MAP3K21: variants seen among roughly 807,000 people sequenced by gnomAD.
The protein encoded by MAP3K21 is mitogen-activated protein kinase kinase kinase 21.
Under a neutral mutation model 86.1 loss-of-function variants are expected in MAP3K21, and 63 were observed. The ratio of observed to expected loss-of-function variants is 0.73; its 90% confidence interval spans 0.60 to 0.90. The LOEUF (loss-of-function observed/expected upper bound fraction) is 0.90, where lower values mean the gene tolerates loss of function less well. MAP3K21 is among the 40% of genes least tolerant of loss of function. The probability of loss-of-function intolerance (pLI) is 0.00; values close to 1 mark genes in which losing one functional copy is unlikely to be tolerated. For missense variants in MAP3K21, 1,220 were observed against 1,367.7 expected (o/e 0.89, Z 1.70); for synonymous variants, 558 against 564.8 (o/e 0.99, Z 0.17).
chr1:233,369,880 A>T (rs1663651297), intron 5 of MAP3K21, among the ~76,000 whole-genome samples: 1 of 152,194 alleles, frequency 6.6e-6, no homozygotes, highest in Non-Finnish European at 1.5e-5. Context: ...TGAGAGGAGA[A>T]TAGGGCAAGA....
chr1:233,354,790 A>AATGTCTTTGGGATAATCTG, intron 3 of MAP3K21, 46 bp from the exon 4 acceptor site: 2 of 1,472,032 alleles, frequency 1.4e-6, no homozygotes, highest in Non-Finnish European at 1.9e-6. Context: ...TAGCAACTCT[A>AATGTCTTTGGGATAATCTG]AACTGCGTTG....
chr1:233,334,087 G>T lies in MAP3K21; in HGVS notation c.805+5254G>T, dbSNP rs568578911. Reference sequence around the variant, plus strand: ...TCACCGTGTTAGCCAGGATGGTCTTGATCTCCTGACCTCGTGATCCGTCCG... The same window carrying T: ...TCACCGTGTTAGCCAGGATGGTCTTTATCTCCTGACCTCGTGATCCGTCCG... On this transcript the variant is annotated intron_variant, in intron 1 of 9. Coordinates refer to ENST00000366624, the MANE Select transcript of MAP3K21 (RefSeq NM_032435.3). Among the ~76,000 whole-genome samples the T allele has an allele frequency of 3.7e-3, 556 of 151,712 alleles. 5 individuals carry two copies. Among genetic ancestry groups the T allele is most frequent in the African/African-American group, 0.013 (539 of 41,312 alleles).
chr1:233,354,011 T>C (rs1004490667), intron 3 of MAP3K21, 56 bp downstream of exon 3: 3 of 1,380,292 alleles, frequency 2.2e-6, no homozygotes, highest in Admixed American at 2.8e-5. Flanking sequence ...CATTAGAATA[T>C]CATTTTTTAA....
At chr1:233,339,301 TTCCTCTTCTTCTTCCTCTTCTTCTTC>T (rs1662982541) in intron 1 of MAP3K21, among the ~76,000 whole-genome samples, 2 of 139,358 alleles carry the variant, frequency 1.4e-5, no homozygotes, top group African/African-American at 5.4e-5. Context: ...CCTCTTCTTC[TTCCTCTTCTTCTTCCTCTTCTTCTTC>T]TTCCTCTTCT....
chr1:233,372,559 G>A (rs975338627), intron 6 of MAP3K21: 2 of 207,380 alleles, frequency 9.6e-6, no homozygotes, highest in Admixed American at 5.9e-5. Flanking sequence ...TTTCGTGAGG[G>A]GAAAAAATTT....
chr1:233,367,898 A>G (rs1164981824), intron 5 of MAP3K21, among the ~76,000 whole-genome samples: 1 of 151,996 alleles, frequency 6.6e-6, no homozygotes, highest in Non-Finnish European at 1.5e-5. Flanking sequence ...TCTGTTTACA[A>G]CATAAAGTAT....
intron 1 of MAP3K21, among the ~76,000 whole-genome samples, chr1:233,340,629 G>A (rs1426367289): frequency 2.0e-5 from 3 of 151,966 alleles, no homozygotes; most frequent in Admixed American, 6.6e-5. Flanking sequence ...GGGGTGAAGG[G>A]GAACTGGTGC....
chr1:233,378,731 A>G (rs1266668170), intron 8 of MAP3K21, among the ~76,000 whole-genome samples, 200 bp from the exon 9 acceptor site: 1 of 152,236 alleles, frequency 6.6e-6, no homozygotes, highest in Admixed American at 6.5e-5. Context: ...GTTCATCTGC[A>G]GGGAACCTGA....
intron 2 of MAP3K21, among the ~76,000 whole-genome samples, chr1:233,351,178 TTAAC>T (rs1466609382): frequency 1.3e-5 from 2 of 152,168 alleles, no homozygotes; most frequent in African/African-American, 2.4e-5. Context: ...TCTCCTATAA[TTAAC>T]TATAATATAG....
chr1:233,330,434 A>C (rs1205015483), intron 1 of MAP3K21, among the ~76,000 whole-genome samples: 1 of 152,062 alleles, frequency 6.6e-6, no homozygotes, highest in Non-Finnish European at 1.5e-5. Context: ...TCTTTCGATA[A>C]TATATATATA....
At chr1:233,354,740 A>T in intron 3 of MAP3K21, 96 bp from the exon 4 acceptor site, 1 of 1,017,790 alleles carries the variant, frequency 9.8e-7, no homozygotes, top group Non-Finnish European at 1.5e-6. Flanking sequence ...TTGGAATGAC[A>T]AATGTTAAGT....
chr1:233,348,594 CT>C (rs1346674376), intron 2 of MAP3K21, among the ~76,000 whole-genome samples: 2 of 151,382 alleles, frequency 1.3e-5, no homozygotes, highest in African/African-American at 2.4e-5. Flanking sequence ...GCTGCACCTT[CT>C]TTTTTTTTAT....
At chr1:233,381,311 C>T (rs1423711530) in intron 9 of MAP3K21, among the ~76,000 whole-genome samples, 1 of 152,130 alleles carries the variant, frequency 6.6e-6, no homozygotes, top group Admixed American at 6.5e-5. Flanking sequence ...ACTATACTTA[C>T]CTAATCTGTA....
rs574390148 is a variant in MAP3K21, at chr1:233,344,610, C to T, written c.806-1832C>T. Reference sequence around the variant, plus strand: ...ATGGATTAAAGACTTAAATGTTAGACCTAAAACCATAAAAACCCTAGAAGA... The same window carrying T: ...ATGGATTAAAGACTTAAATGTTAGATCTAAAACCATAAAAACCCTAGAAGA... On this transcript the variant is annotated intron_variant, in intron 1 of 9. Transcript: ENST00000366624. 6.4e-4 allele frequency among the ~76,000 whole-genome samples: 98 copies of T among 152,262 alleles called. No individual in the cohort carries two copies. The South Asian group carries it at 0.015, about 23-fold the overall frequency.
chr1:233,382,398 C>T lies in MAP3K21; in HGVS notation c.2798C>T (p.Pro933Leu). 1.2e-6 allele frequency: 2 copies of T among 1,614,090 alleles called. No homozygotes were observed. Among genetic ancestry groups the T allele is most frequent in the East Asian group, 4.5e-5 (2 of 44,872 alleles). Residue 933 changes from proline to leucine, a missense_variant, in exon 10 of 10, where the codon CCC becomes CTC. Physicochemically the swap from Pro to Leu is moderately conservative, Grantham distance 98. This residue lies in a region of MAP3K21 where 632 missense variants were observed against 691.3 expected (regional missense o/e 0.91). Coordinates refer to ENST00000366624, the MANE Select transcript of MAP3K21 (RefSeq NM_032435.3). The part of the protein sequence containing the change: ...PHSHLPREVS[P>L]KKHSTVHIVP... Reference sequence around the variant, plus strand: ...AGTCATCTGCCAAGGGAGGTCTCACCCAAGAAGCACAGCACTGTCCACATC... The same window carrying T: ...AGTCATCTGCCAAGGGAGGTCTCACTCAAGAAGCACAGCACTGTCCACATC...
Position 233,328,035 on chromosome 1 carries a change from T to A in MAP3K21, c.7T>A (p.Leu3Met). Residue 3 changes from leucine (L) to methionine (M), a missense_variant, in exon 1 of 10, where the codon TTG becomes ATG. Coordinates refer to ENST00000366624, the MANE Select transcript of MAP3K21 (RefSeq NM_032435.3). The surrounding 1 kb of genome is among the most constrained non-coding windows in gnomAD (Gnocchi z 8.7). ...TCCCCGCGCAGCTGCCCCCATGGCT[T>A]TGCGGGGCGCCGCGGGAGCGACCGA... MA[L>M]RGAAGATDTP... 7.7e-7 allele frequency: 1 copy of A among 1,306,742 alleles called. No homozygotes were observed. The highest frequency in any genetic ancestry group is 9.7e-7 in the Non-Finnish European group (1 of 1,032,472). The allele number at this position is 1,306,742 out of a possible 1,614,324, so 80.9% of individuals were successfully genotyped here.
intron 1 of MAP3K21, among the ~76,000 whole-genome samples, chr1:233,339,286 T>C (rs397832592): frequency 9.4e-6 from 1 of 106,630 alleles, no homozygotes; most frequent in African/African-American, 3.1e-5. Context: ...CTTCTTCTTC[T>C]TCTTCCTCTT....
chr1:233,349,764 C>A (rs1439317609), intron 2 of MAP3K21, among the ~76,000 whole-genome samples: 2 of 151,978 alleles, frequency 1.3e-5, no homozygotes, highest in Admixed American at 1.3e-4. Flanking sequence ...TGGTGAAACC[C>A]CGTCTCTACT....
intron 1 of MAP3K21, among the ~76,000 whole-genome samples, chr1:233,341,021 T>G (rs1013418638): frequency 2.0e-5 from 3 of 152,202 alleles, no homozygotes; most frequent in Non-Finnish European, 4.4e-5. Flanking sequence ...AAAAATTCTG[T>G]GCCTCATGGT....
Sources: gnomAD v4.1 joint callset for allele counts (sites outside exome capture counted in the v4.1 genomes callset) on GRCh38, gnomAD v4.1.1 for gene constraint, gnomAD v4.1.1 regional missense constraint, Gnocchi (gnomAD v3.1) non-coding constraint, MANE v1.5 for transcripts, NCBI Gene and HGNC (gene_info 2026-07-23, HGNC 2026-07-21) for gene names.